HTR1F: variants seen among roughly 807,000 people sequenced by gnomAD.
HTR1F encodes 5-hydroxytryptamine (serotonin) receptor 1F, G protein-coupled.
In HTR1F, 17 loss-of-function variants were observed where a neutral mutation model predicts 24.0. The observed-to-expected ratio is 0.71, with a 90% CI of 0.48 to 1.06. The LOEUF is 1.06. Among genes scored for constraint, HTR1F ranks in the 50% least tolerant of loss-of-function variants. HTR1F has a pLI of 0.00. For synonymous variants in HTR1F, 186 were observed against 156.8 expected (o/e 1.19, Z -1.39); for missense variants, 391 against 427.8 (o/e 0.91, Z 0.76).
At chr3:87,822,403 A>T (rs1406312946) in intron 2 of HTR1F, among the ~76,000 whole-genome samples, 2 of 152,214 alleles carry the variant, frequency 1.3e-5, no homozygotes, top group Non-Finnish European at 2.9e-5. Flanking sequence ...GAGTGAACAT[A>T]AATCAAAGAA....
At chr3:87,814,135 G>T (rs776935563) in intron 1 of HTR1F, among the ~76,000 whole-genome samples, 58 of 152,106 alleles carry the variant, frequency 3.8e-4, no homozygotes, top group Non-Finnish European at 1.5e-4. Flanking sequence ...AGTAATGAAT[G>T]ACGCAATGTG....
chr3:87,982,324 G>T (rs1231970247), intron 2 of HTR1F, among the ~76,000 whole-genome samples: 1 of 152,142 alleles, frequency 6.6e-6, no homozygotes, highest in East Asian at 1.9e-4. Flanking sequence ...TAAGGGTGTT[G>T]CCCCACAGCC....
chr3:87,866,681 T>A (rs2938271), intron 2 of HTR1F, among the ~76,000 whole-genome samples: 24,596 of 149,948 alleles, frequency 0.16, 2,438 homozygotes, highest in African/African-American at 0.26. Flanking sequence ...AGACTTCAAG[T>A]GCATTTCCTG....
At chr3:87,881,881 C>G (rs1705811009) in intron 2 of HTR1F, among the ~76,000 whole-genome samples, 2 of 152,152 alleles carry the variant, frequency 1.3e-5, no homozygotes, top group Non-Finnish European at 2.9e-5. Flanking sequence ...AACTAAAGAG[C>G]TTCTGCACAG....
intron 2 of HTR1F, among the ~76,000 whole-genome samples, chr3:87,969,479 C>A (rs1705240439): frequency 6.6e-6 from 1 of 152,178 alleles, no homozygotes; most frequent in African/African-American, 2.4e-5. Context: ...GACTGCCCTG[C>A]TGGATTTTGG....
intron 2 of HTR1F, among the ~76,000 whole-genome samples, chr3:87,937,358 A>G (rs1301123885): frequency 2.0e-5 from 3 of 152,234 alleles, no homozygotes; most frequent in African/African-American, 7.2e-5. Context: ...AAACAGAACT[A>G]AAAACAAAAC....
At chr3:87,975,248 G>C (rs780153587) in intron 2 of HTR1F, among the ~76,000 whole-genome samples, 12 of 151,656 alleles carry the variant, frequency 7.9e-5, no homozygotes, top group Non-Finnish European at 1.8e-4. Flanking sequence ...GAAAATGAAT[G>C]CTTCAAAAAT....
At chr3:87,929,253 T>G (rs1704201349) in intron 2 of HTR1F, among the ~76,000 whole-genome samples, 1 of 152,046 alleles carries the variant, frequency 6.6e-6, no homozygotes, top group Admixed American at 6.6e-5. Context: ...GTAGAGAAAA[T>G]GCAGTGGTTC....
intron 2 of HTR1F, among the ~76,000 whole-genome samples, chr3:87,877,671 A>C (rs1471767199): frequency 6.6e-6 from 1 of 152,172 alleles, no homozygotes; most frequent in Non-Finnish European, 1.5e-5. Flanking sequence ...CCCAACTATC[A>C]ATAGTAAGAG....
chr3:87,844,942 A>G (rs1183882155), intron 2 of HTR1F, among the ~76,000 whole-genome samples: 2 of 149,464 alleles, frequency 1.3e-5, no homozygotes, highest in African/African-American at 5.1e-5. Flanking sequence ...GTAGCCTTGT[A>G]GTATAGTTTG....
chr3:87,850,816 CAAA>C (rs1276062383), intron 2 of HTR1F, among the ~76,000 whole-genome samples: 7 of 142,892 alleles, frequency 4.9e-5, no homozygotes, highest in Non-Finnish European at 7.7e-5. Flanking sequence ...GGAACAACAA[CAAA>C]AAAAAAAACC....
At chr3:87,868,528 T>A (rs1478926818) in intron 2 of HTR1F, among the ~76,000 whole-genome samples, 2 of 151,944 alleles carry the variant, frequency 1.3e-5, no homozygotes, top group Non-Finnish European at 2.9e-5. Flanking sequence ...TATCTTTGAA[T>A]ATATTCTGTT....
chr3:87,960,354 A>T (rs1335398359), intron 2 of HTR1F, among the ~76,000 whole-genome samples: 1 of 151,992 alleles, frequency 6.6e-6, no homozygotes, highest in Non-Finnish European at 1.5e-5. Context: ...AGCTGCCCAG[A>T]TGGTTTATAA....
At chr3:87,916,309 G>GAAAAAAAAAAAAA (rs34801984) in intron 2 of HTR1F, among the ~76,000 whole-genome samples, 5 of 111,056 alleles carry the variant, frequency 4.5e-5, no homozygotes, top group Non-Finnish European at 9.2e-5. Context: ...AAGCAAAAAA[G>GAAAAAAAAAAAAA]AAAAAAAAAA....
intron 2 of HTR1F, among the ~76,000 whole-genome samples, chr3:87,917,835 T>G (rs1703928836): frequency 6.6e-6 from 1 of 151,840 alleles, no homozygotes; most frequent in African/African-American, 2.4e-5. Flanking sequence ...TTCCACAAGA[T>G]AGAGAAAGAT....
At chr3:87,948,488 CT>C (rs397968379) in intron 2 of HTR1F, among the ~76,000 whole-genome samples, 84 of 146,814 alleles carry the variant, frequency 5.7e-4, no homozygotes, top group Non-Finnish European at 3.6e-4. Context: ...TTTTTATATG[CT>C]TTTTTTTTTT....
In HTR1F at chr3:87,935,145, G is replaced by A. The variant is rs571613777; in HGVS notation, c.-42-55563G>A. Among the ~76,000 whole-genome samples, 9 of 152,312 alleles carry A rather than the reference G, an allele frequency of 5.9e-5. No individual in the cohort carries two copies. In the East Asian group the frequency reaches 1.5e-3, roughly 26 times the overall value. ...GGCCTCCCAAAGTGCTGGGATTACA[G>A]GTGTGAACCACCATCTCTGGTTCTT... On this transcript the variant is annotated intron_variant, in intron 2 of 2. Coordinates refer to ENST00000319595, the MANE Select transcript of HTR1F (RefSeq NM_001322209.2).
At chr3:87,838,537 C>T (rs978483166) in intron 2 of HTR1F, among the ~76,000 whole-genome samples, 1 of 151,964 alleles carries the variant, frequency 6.6e-6, no homozygotes, top group Non-Finnish European at 1.5e-5. Context: ...ACATAATACC[C>T]TTGAGATCCA....
intron 2 of HTR1F, among the ~76,000 whole-genome samples, chr3:87,899,471 T>A (rs1357799266): frequency 6.6e-6 from 1 of 152,188 alleles, no homozygotes; most frequent in South Asian, 2.1e-4. Flanking sequence ...TACTTTTATA[T>A]GTTTATAAAC....
Sources: allele counts gnomAD v4.1 joint callset (sites outside exome capture counted in the v4.1 genomes callset), GRCh38; gene constraint gnomAD v4.1.1; transcripts MANE v1.5; gene names NCBI Gene and HGNC (gene_info 2026-07-23, HGNC 2026-07-21).